AGBL4: variants seen among roughly 807,000 people sequenced by gnomAD.
AGBL4 encodes cytosolic carboxypeptidase 6.
Under a neutral mutation model 66.4 loss-of-function variants are expected in AGBL4, and 58 were observed. The ratio of observed to expected loss-of-function variants is 0.87; its 90% CI spans 0.71 to 1.09. The LOEUF is 1.09. AGBL4 is among the 50% of genes least tolerant of loss of function. The probability of loss-of-function intolerance (pLI) is 0.00; values close to 1 mark genes in which losing one functional copy is unlikely to be tolerated. For synonymous variants in AGBL4, 234 were observed against 222.9 expected (o/e 1.05, Z -0.44); for missense variants, 579 against 631.0 (o/e 0.92, Z 0.88).
chr1:48,715,481 A>G (rs1238590071), intron 6 of AGBL4, among the ~76,000 whole-genome samples: 2 of 152,142 alleles, frequency 1.3e-5, no homozygotes, highest in African/African-American at 4.8e-5. Flanking sequence ...TGTGCCCACG[A>G]GCTCTTGGGA....
chr1:48,801,306 G>A (rs1313668715), intron 6 of AGBL4, among the ~76,000 whole-genome samples: 2 of 152,162 alleles, frequency 1.3e-5, no homozygotes, highest in African/African-American at 4.8e-5. Context: ...CCACACCGTT[G>A]GCTGCAGCTC....
At chr1:49,191,272 A>T (rs555935469) in intron 4 of AGBL4, among the ~76,000 whole-genome samples, 46 of 152,280 alleles carry the variant, frequency 3.0e-4, no homozygotes, top group African/African-American at 1.1e-3. Context: ...TTTCCTCCAG[A>T]TTCTCCCACC....
At chr1:48,624,156 C>T (rs61772746) in intron 9 of AGBL4, among the ~76,000 whole-genome samples, 118 of 152,210 alleles carry the variant, frequency 7.8e-4, no homozygotes, top group Non-Finnish European at 1.4e-3. Context: ...AATTTGTGAG[C>T]TTGAGAAGAG....
intron 11 of AGBL4, among the ~76,000 whole-genome samples, chr1:48,576,519 G>C (rs1319017833): frequency 6.6e-6 from 1 of 152,138 alleles, no homozygotes; most frequent in Non-Finnish European, 1.5e-5. Flanking sequence ...TTTGGGTAGG[G>C]TGACCAACCA....
chr1:49,286,765 A>G (rs1644421025), intron 3 of AGBL4, among the ~76,000 whole-genome samples: 1 of 152,136 alleles, frequency 6.6e-6, no homozygotes, highest in Non-Finnish European at 1.5e-5. Context: ...AAGAATCAAT[A>G]TCGTGAAAAT....
At chr1:49,941,409 CA>C (rs1654747042) in intron 1 of AGBL4, among the ~76,000 whole-genome samples, 1 of 152,008 alleles carries the variant, frequency 6.6e-6, no homozygotes, top group Non-Finnish European at 1.5e-5. Flanking sequence ...ACACCAAAGT[CA>C]AAGCAAATTA....
chr1:49,350,195 T>TC (rs1020166396), intron 3 of AGBL4, among the ~76,000 whole-genome samples: 1 of 150,500 alleles, frequency 6.6e-6, no homozygotes, highest in African/African-American at 2.5e-5. Context: ...TTGTTTTTTT[T>TC]TTTGTTTTGT....
chr1:49,704,779 T>C (rs1647172623), intron 2 of AGBL4, among the ~76,000 whole-genome samples: 1 of 152,144 alleles, frequency 6.6e-6, no homozygotes, highest in Admixed American at 6.5e-5. Flanking sequence ...TTCTGTTCCA[T>C]TGGTCTATAT....
intron 3 of AGBL4, among the ~76,000 whole-genome samples, chr1:49,620,369 G>T (rs565666411): frequency 6.6e-6 from 1 of 152,170 alleles, no homozygotes; most frequent in African/African-American, 2.4e-5. Context: ...TGAAAAAAAA[G>T]CTCATCATCA....
chr1:49,710,201 C>A (rs1301852820), intron 2 of AGBL4, among the ~76,000 whole-genome samples: 5 of 152,144 alleles, frequency 3.3e-5, no homozygotes. Flanking sequence ...AAATGCCCAT[C>A]AATGGTAGAC....
chr1:49,878,394 T>C (rs1006514074), intron 1 of AGBL4, among the ~76,000 whole-genome samples: 1 of 150,984 alleles, frequency 6.6e-6, no homozygotes, highest in Admixed American at 6.6e-5. Flanking sequence ...AACATCTTTA[T>C]TTCTGCCTTC....
At chr1:48,962,967 A>G (rs1468576168) in intron 5 of AGBL4, among the ~76,000 whole-genome samples, 1 of 151,274 alleles carries the variant, frequency 6.6e-6, no homozygotes, top group Non-Finnish European at 1.5e-5. Flanking sequence ...TTAAAACACT[A>G]TCTGGCATGT....
intron 3 of AGBL4, among the ~76,000 whole-genome samples, chr1:49,471,043 A>G (rs958846014): frequency 6.6e-6 from 1 of 151,978 alleles, no homozygotes; most frequent in African/African-American, 2.4e-5. Flanking sequence ...AGAAATGCTC[A>G]CCTATAAGAA....
chr1:49,112,278 T>A (rs926217118), intron 4 of AGBL4, among the ~76,000 whole-genome samples: 3 of 152,216 alleles, frequency 2.0e-5, no homozygotes, highest in African/African-American at 7.2e-5. Flanking sequence ...GAAGATTAAA[T>A]AAGATACCGT....
intron 3 of AGBL4, among the ~76,000 whole-genome samples, chr1:49,513,065 A>G (rs1649423995): frequency 6.6e-6 from 1 of 152,016 alleles, no homozygotes; most frequent in Non-Finnish European, 1.5e-5. Flanking sequence ...ATAAATGACT[A>G]ATGTCAGACA....
intron 3 of AGBL4, among the ~76,000 whole-genome samples, chr1:49,366,803 A>G (rs2148545474): frequency 6.6e-6 from 1 of 152,336 alleles, no homozygotes; most frequent in East Asian, 1.9e-4. Context: ...GCTAGATAAT[A>G]GAGTCTTGCC....
intron 4 of AGBL4, among the ~76,000 whole-genome samples, chr1:49,138,428 C>A (rs895686681): frequency 6.6e-6 from 1 of 152,160 alleles, no homozygotes; most frequent in Non-Finnish European, 1.5e-5. Context: ...CCCTCCACTA[C>A]CAAAATACTG....
intron 3 of AGBL4, among the ~76,000 whole-genome samples, chr1:49,295,326 A>G (rs1235000341): frequency 6.6e-6 from 1 of 152,208 alleles, no homozygotes; most frequent in African/African-American, 2.4e-5. Flanking sequence ...GCAGAGTGAC[A>G]AAGTGGAGCC....
chr1:49,315,192 T>C (rs887446987), intron 3 of AGBL4, among the ~76,000 whole-genome samples: 2 of 152,200 alleles, frequency 1.3e-5, no homozygotes, highest in African/African-American at 4.8e-5. Flanking sequence ...GCTAGCCATA[T>C]GTAGAAAACT....
Sources: gnomAD v4.1 joint callset for allele counts (sites outside exome capture counted in the v4.1 genomes callset) on GRCh38, gnomAD v4.1.1 for gene constraint, MANE v1.5 for transcripts, NCBI Gene and HGNC (gene_info 2026-07-23, HGNC 2026-07-21) for gene names.